Variants in FLT4 observed in about 807,000 individuals in gnomAD.
FLT4 encodes vascular endothelial growth factor receptor 3.
Under a neutral mutation model 163.2 loss-of-function variants are expected in FLT4, and 30 were observed. The observed-to-expected ratio is 0.18, with a 90% CI of 0.14 to 0.25. The LOEUF is 0.25. FLT4 is among the 10% of genes least tolerant of loss of function. The pLI, the probability that FLT4 is intolerant of heterozygous loss-of-function variation, is 1.00. For missense variants in FLT4, 1,510 were observed against 1,863.8 expected, an observed-to-expected ratio of 0.81 and a Z score of 3.50; for synonymous variants, 884 against 789.5, an observed-to-expected ratio of 1.12 and a Z score of -2.01.
Position 180,603,313 on chromosome 5 carries a change from C to A in FLT4, c.3971G>T (p.Arg1324Leu), listed in dbSNP as rs307821. ...AAACACCTGGCCTCCTCGGGCCCCCCGCTCAGGCCGCCGCCGCCTCCCTTG... is the reference window on the plus strand; with the variant it reads ...AAACACCTGGCCTCCTCGGGCCCCCAGCTCAGGCCGCCGCCGCCTCCCTTG... ...DSQGRRRRPE[R>L]GARGGQVFYN... Residue 1324 changes from arginine to leucine, a missense_variant, in exon 30 of 30, where the codon CGG becomes CTG. By Grantham distance (102) the Arg-to-Leu change is moderately radical. Transcript: ENST00000261937. 156,237 of 1,613,696 alleles carry A rather than the reference C, an allele frequency of 0.097. 8,130 individuals are homozygous for A. The highest frequency in any genetic ancestry group is 0.11 in the Non-Finnish European group (130,064 of 1,179,802).
In FLT4 at chr5:180,618,891, G is replaced by C; in HGVS notation, c.2880C>G (p.Phe960Leu). The C allele has an allele frequency of 6.3e-7, 1 of 1,587,708 alleles. No homozygotes were observed. The highest frequency in any genetic ancestry group is 8.6e-7 in the Non-Finnish European group (1 of 1,167,894). Residue 960 changes from phenylalanine (F) to leucine (L), a missense_variant, in exon 21 of 30, where the codon TTC becomes TTG. Transcript: ENST00000261937. The part of the protein sequence containing the change: ...AEKSPEQRGR[F>L]RAMVELARLD... The stretch of plus-strand genomic sequence containing the variant: ...GCCTGGCGAGCTCCACCATGGCGCG[G>C]AAGCGTCCGCGCTGCTCGGGAGACT...
chr5:180,612,578 G>A lies in FLT4; in HGVS notation c.3465C>T (p.Asp1155=), dbSNP rs1199566010. The change falls in exon 26 of 30, where the codon GAC becomes GAT. Residue 1155 remains aspartate, a synonymous_variant. Transcript: ENST00000261937. ...RRIMLNCWSG[D]PKARPAFSEL... ...CCGAGAATGCAGGTCTCGCCTTGGGGTCTCCGGACCAGCAGTTCAGCATGA... is the reference window on the plus strand; with the variant it reads ...CCGAGAATGCAGGTCTCGCCTTGGGATCTCCGGACCAGCAGTTCAGCATGA... 3 of 1,613,906 alleles carry A rather than the reference G, an allele frequency of 1.9e-6. No individual in the cohort carries two copies. The African/African-American group carries it at 4.0e-5, about 22-fold the overall frequency.
At position 180,631,761 on chromosome 5, in the gene FLT4, A is replaced by C. The variant is rs113995355; in HGVS notation, c.76T>G (p.Ser26Ala). 1.2e-3 allele frequency: 1,935 copies of C among 1,609,666 alleles called. 29 individuals are homozygous for C. The African/African-American group carries it at 0.024, about 20-fold the overall frequency. Residue 26 changes from serine to alanine, a missense_variant, in exon 2 of 30, where the codon TCC becomes GCC. Around this residue, in one of 5 missense-constraint regions of FLT4, gnomAD observed 157 missense variants for 178.7 expected, o/e 0.88. Coordinates refer to ENST00000261937, the MANE Select transcript of FLT4 (RefSeq NM_182925.5). ...ATGTTCAAGGTCGGGGGGGTCATGG[A>C]GTAGCCACTCACCAGGCCTGGGGTG... is the stretch of plus-strand genomic sequence containing the variant. ...GLLDGLVSGY[S>A]MTPPTLNITE...
At position 180,620,370 on chromosome 5, in the gene FLT4, T is replaced by G; in HGVS notation, c.2407-62A>C. ...CTGATTTGGCCATACCACTGTGGCT[T>G]GGGCAGAACTTTGCCCAGGACAGAT... On this transcript the variant is annotated intron_variant, in intron 16 of 29. Transcript: ENST00000261937. The surrounding 1 kb of genome is among the most constrained non-coding windows in gnomAD (Gnocchi z 4.4). The G allele has an allele frequency of 6.3e-7, 1 of 1,599,318 alleles. No homozygotes were observed. The highest frequency in any genetic ancestry group is 1.1e-5 in the South Asian group (1 of 90,918).
chr5:180,624,384 G>A (rs1168606690), intron 10 of FLT4, among the ~76,000 whole-genome samples: 8 of 152,016 alleles, frequency 5.3e-5, no homozygotes, highest in East Asian at 1.9e-4. Context: ...GTGCCACCAC[G>A]CCTGGCTATT....
intron 1 of FLT4, among the ~76,000 whole-genome samples, chr5:180,637,679 T>C (rs1764792265): frequency 6.6e-6 from 1 of 152,138 alleles, no homozygotes; most frequent in Non-Finnish European, 1.5e-5. Flanking sequence ...ATTACAGGCA[T>C]GCGCCATCAC....
intron 12 of FLT4, 126 bp downstream of exon 12, chr5:180,622,605 G>C (rs952185619): frequency 5.7e-6 from 4 of 705,276 alleles, no homozygotes; most frequent in Non-Finnish European, 1.0e-5. Flanking sequence ...TATTTTTCCT[G>C]TCTACAACCG....
Position 180,638,447 on chromosome 5 carries a change from G to A in FLT4, c.59-6669C>T, listed in dbSNP as rs548838558. Among the ~76,000 whole-genome samples the A allele has an allele frequency of 6.6e-5, 10 of 152,282 alleles. No homozygotes were observed. In the East Asian group the frequency reaches 7.7e-4, roughly 12 times the overall value. On this transcript the variant is annotated intron_variant, in intron 1 of 29. Coordinates refer to ENST00000261937, the MANE Select transcript of FLT4 (RefSeq NM_182925.5). ...CTCACTGGGGCCAGCACAGCTGCAC[G>A]CACCCCAAAGTGGCTTCTGGGGCCC...
At position 180,630,286 on chromosome 5, in the gene FLT4, T is replaced by C. The variant is rs2127837283; in HGVS notation, c.452A>G (p.Lys151Arg). The C allele has an allele frequency of 1.2e-6, 2 of 1,612,624 alleles. No individual in the cohort carries two copies. Among genetic ancestry groups the C allele is most frequent in the Non-Finnish European group, 1.7e-6 (2 of 1,179,982 alleles). Residue 151 changes from lysine (K) to arginine (R), a missense_variant, in exon 4 of 30, where the codon AAG becomes AGG. Lys to Arg is a conservative substitution (Grantham distance 26). Transcript: ENST00000261937. The surrounding 1 kb of genome is among the most constrained non-coding windows in gnomAD (Gnocchi z 6.3). ...NKPDTLLVNR[K>R]DAMWVPCLVS... ...CAGACAGGGCACCCACATGGCGTCC[T>C]TCCTGTTGACCAAGAGCGTGTCAGG...
intron 8 of FLT4, 83 bp from the exon 9 acceptor site, chr5:180,626,348 T>G: frequency 1.3e-6 from 2 of 1,499,482 alleles, no homozygotes; most frequent in Non-Finnish European, 1.8e-6. Flanking sequence ...CCAAATACAG[T>G]TGGGAGGAGG....
intron 1 of FLT4, among the ~76,000 whole-genome samples, chr5:180,633,273 A>G (rs1391575678): frequency 6.6e-5 from 10 of 152,038 alleles, no homozygotes. Flanking sequence ...CCACTTCACT[A>G]CGGGTCCAGA....
Position 180,636,501 on chromosome 5 carries a change from C to A in FLT4, c.59-4723G>T, listed in dbSNP as rs1312921162. On this transcript the variant is annotated intron_variant, in intron 1 of 29. Coordinates refer to ENST00000261937, the MANE Select transcript of FLT4 (RefSeq NM_182925.5). This position sits in a 1 kb window ranked among gnomAD's most constrained non-coding sequence, Gnocchi z 4.3. ...CATTAAAGCTGTCATCAGCTGCACC[C>A]CCCCGTCACTTCCCCTCATTCTCTG... 6.7e-6 allele frequency among the ~76,000 whole-genome samples: 1 copy of A among 149,924 alleles called. No homozygotes were observed. Among genetic ancestry groups the A allele is most frequent in the African/African-American group, 2.4e-5 (1 of 40,834 alleles).
In FLT4 at chr5:180,603,328, C is replaced by A; in HGVS notation, c.3956G>T (p.Arg1319Leu). 1 of 1,614,006 alleles carries A rather than the reference C, an allele frequency of 6.2e-7. No homozygotes were observed. The highest frequency in any genetic ancestry group is 8.5e-7 in the Non-Finnish European group (1 of 1,179,970). ...TCGGGCCCCCCGCTCAGGCCGCCGC[C>A]GCCTCCCTTGGGAGTCAGGGTGTGC... ...TRAHPDSQGR[R>L]RRPERGARGG... The change falls in exon 30 of 30, where the codon CGG (arginine) becomes CTG (leucine). Residue 1319 changes from arginine to leucine, a missense_variant. Coordinates refer to ENST00000261937, the MANE Select transcript of FLT4 (RefSeq NM_182925.5).
At chr5:180,619,141 C>A in intron 19 of FLT4, 32 bp from the exon 20 acceptor site, 1 of 1,447,276 alleles carries the variant, frequency 6.9e-7, no homozygotes, top group Non-Finnish European at 9.1e-7. Context: ...GCCGTGCGTT[C>A]GGAACCCGGG....
chr5:180,620,978 G>A lies in FLT4; in HGVS notation c.2197C>T (p.Leu733=), dbSNP rs749422822. The change falls in exon 15 of 30, where the codon CTG becomes TTG. Residue 733 remains leucine (L), a synonymous_variant. Transcript: ENST00000261937. The surrounding 1 kb of genome is among the most constrained non-coding windows in gnomAD (Gnocchi z 4.4). ...GVDLADSNQK[L]SIQRVREEDA... is the part of the protein sequence containing the mutation. Reference sequence around the variant, plus strand: ...TCCTCGCGCACGCGCTGGATGCTCAGCTTCTGGTTGGAGTCCGCCAAGTCG... The same window carrying A: ...TCCTCGCGCACGCGCTGGATGCTCAACTTCTGGTTGGAGTCCGCCAAGTCG... The A allele has an allele frequency of 5.6e-6, 9 of 1,611,302 alleles. No individual in the cohort carries two copies. Among genetic ancestry groups the A allele is most frequent in the Non-Finnish European group, 5.9e-6 (7 of 1,178,996 alleles).
intron 2 of FLT4, 38 bp downstream of exon 2, chr5:180,631,644 A>T (rs751387587): frequency 1.3e-6 from 2 of 1,518,514 alleles, no homozygotes; most frequent in Non-Finnish European, 1.8e-6. Context: ...GGGCTTGTGC[A>T]GCCTCTCTGG....
At chr5:180,608,434 G>A (rs780388802) in intron 29 of FLT4, 25 of 680,442 alleles carry the variant, frequency 3.7e-5, no homozygotes, top group South Asian at 3.1e-5. Flanking sequence ...CGGTCTCCAC[G>A]TCTTGATGGT....
At chr5:180,622,350 C>T (rs1581654341) in intron 12 of FLT4, among the ~76,000 whole-genome samples, 1 of 152,116 alleles carries the variant, frequency 6.6e-6, no homozygotes, top group Non-Finnish European at 1.5e-5. Flanking sequence ...CTGGGCTCCG[C>T]TCTCCTGAGG....
Position 180,620,865 on chromosome 5 carries a change from T to C in FLT4, c.2299+11A>G. 6.2e-7 allele frequency: 1 copy of C among 1,609,626 alleles called. No homozygotes were observed. Among genetic ancestry groups the C allele is most frequent in the South Asian group, 1.1e-5 (1 of 90,754 alleles). ...GGGAAGGGAGTTGAGGGGTGCAGCC[T>C]GAGGCCAGACCTTCCACGGCCACGC... On this transcript the variant is annotated intron_variant, in intron 15 of 29. Transcript: ENST00000261937. The surrounding 1 kb of genome is among the most constrained non-coding windows in gnomAD (Gnocchi z 4.4).
Sources: allele counts gnomAD v4.1 joint callset (sites outside exome capture counted in the v4.1 genomes callset), GRCh38; gene constraint gnomAD v4.1.1; regional missense constraint gnomAD v4.1.1; non-coding constraint Gnocchi (gnomAD v3.1); transcripts MANE v1.5; gene names NCBI Gene and HGNC (gene_info 2026-07-23, HGNC 2026-07-21).